Variants in NBPF8 observed in about 807,000 individuals in gnomAD.
The protein encoded by NBPF8 is NBPF family member NBPF8.
upstream of NBPF8, among the ~76,000 whole-genome samples, chr1:120,435,733 G>A (rs1367569232): frequency 4.3e-4 from 66 of 151,890 alleles, no homozygotes; most frequent in Non-Finnish European, 8.0e-4. Flanking sequence ...AGGCGTGGTG[G>A]CGGGCGCCTG....
At chr1:120,460,446 C>A in intron 17 of NBPF8, 127 bp from the exon 16 acceptor site, 4 of 774,058 alleles carry the variant, frequency 5.2e-6, no homozygotes, top group Non-Finnish European at 9.4e-6. Context: ...TGGAATATTT[C>A]TCTCAAAGTC....
chr1:120,462,118 T>C, intron 19 of NBPF8, 28 bp from the exon 18 acceptor site: 1 of 344,132 alleles, frequency 2.9e-6, no homozygotes, highest in Non-Finnish European at 5.1e-6. Flanking sequence ...CAGCTTAATA[T>C]GTCTGTCCAT....
downstream of NBPF8, among the ~76,000 whole-genome samples, chr1:120,469,474 T>C (rs1190050167): frequency 7.0e-6 from 1 of 143,230 alleles, no homozygotes; most frequent in Non-Finnish European, 1.5e-5. Context: ...GGCACCCTGG[T>C]GCTCGGTCAC....
chr1:120,415,083 G>T (rs1553244863), upstream of NBPF8, among the ~76,000 whole-genome samples: 1 of 152,094 alleles, frequency 6.6e-6, no homozygotes, highest in African/African-American at 2.4e-5. Context: ...GCTGGGCGGC[G>T]GTTGAGACAG....
chr1:120,454,253 G>C (rs1661370898), intron 15 of NBPF8, 139 bp downstream of exon 13: 1 of 1,551,122 alleles, frequency 6.4e-7, no homozygotes, highest in Non-Finnish European at 8.8e-7. Context: ...GAGTTTTTTT[G>C]TCCTTCACAG....
At chr1:120,428,794 C>T (rs1660790889) in intron 3 of NBPF8, among the ~76,000 whole-genome samples, 1 of 149,706 alleles carries the variant, frequency 6.7e-6, no homozygotes, top group Admixed American at 6.6e-5. Context: ...AGCCCCAATG[C>T]CATGTAGCAC....
intron 18 of NBPF8, 40 bp downstream of exon 16, chr1:120,460,664 C>T (rs1661558622): frequency 1.1e-6 from 1 of 911,642 alleles, no homozygotes; most frequent in Non-Finnish European, 1.8e-6. Flanking sequence ...TTGATGTTGA[C>T]ACCTGGAGAT....
chr1:120,427,786 A>T (rs1438533752), exon 3 of NBPF8, among the ~76,000 whole-genome samples: 2 of 140,782 alleles, frequency 1.4e-5, no homozygotes, highest in African/African-American at 2.7e-5. Flanking sequence ...CTGGTTGGGA[A>T]TCCAAAGTTA....
chr1:120,424,404 T>G (rs1660652167), intron 1 of NBPF8, among the ~76,000 whole-genome samples: 2 of 152,004 alleles, frequency 1.3e-5, no homozygotes, highest in Middle Eastern at 3.2e-3. Context: ...AGATGATACA[T>G]TTTCACATAA....
At chr1:120,434,290 TA>T (rs1661003181), upstream of NBPF8, among the ~76,000 whole-genome samples, 3 of 1,948 alleles carry the variant, frequency 1.5e-3, no homozygotes, top group Non-Finnish European at 4.0e-3. Flanking sequence ...ATACACGTAT[TA>T]TATATATATA....
upstream of NBPF8, chr1:120,432,350 G>A (rs1423695162): frequency 1.3e-5 from 1 of 78,164 alleles, no homozygotes. Context: ...TTACATTCCA[G>A]CCTTTGTATA....
downstream of NBPF8, among the ~76,000 whole-genome samples, chr1:120,468,962 G>C (rs1180085818): frequency 6.6e-6 from 1 of 152,102 alleles, no homozygotes. Flanking sequence ...TTATGGGTGA[G>C]ATTTTTGAGT....
intron 1 of NBPF8, among the ~76,000 whole-genome samples, chr1:120,424,201 G>A (rs1175516137): frequency 6.6e-6 from 1 of 151,726 alleles, no homozygotes; most frequent in Non-Finnish European, 1.5e-5. Flanking sequence ...TTATATAGTG[G>A]ACTATTGTGT....
intron 1 of NBPF8, 21 bp downstream of exon 4, chr1:120,436,718 G>T: frequency 8.7e-7 from 1 of 1,150,208 alleles, no homozygotes; most frequent in Non-Finnish European, 1.3e-6. Context: ...TAGGCTCACC[G>T]TCATGAAAGT....
upstream of NBPF8, among the ~76,000 whole-genome samples, chr1:120,431,563 A>G (rs1660880640): frequency 6.6e-6 from 1 of 151,720 alleles, no homozygotes; most frequent in South Asian, 2.1e-4. Context: ...AGGGAGATCA[A>G]TCAGTGCAAC....
intron 13 of NBPF8, among the ~76,000 whole-genome samples, chr1:120,452,569 C>A (rs1443514211): frequency 6.6e-6 from 1 of 152,106 alleles, no homozygotes; most frequent in Non-Finnish European, 1.5e-5. Context: ...GAGCAAGAGG[C>A]AGCATCTGTC....
chr1:120,428,681 C>G (rs1330492829), intron 3 of NBPF8, among the ~76,000 whole-genome samples: 1 of 151,994 alleles, frequency 6.6e-6, no homozygotes. Context: ...TGGGGCCATG[C>G]GGTCTGTGGT....
chr1:120,462,253 G>C (rs1377866401), intron 20 of NBPF8, 56 bp downstream of exon 18: 2 of 700,738 alleles, frequency 2.9e-6, no homozygotes, highest in African/African-American at 4.0e-5. Context: ...GAGATGCCAG[G>C]TCCAGGGAAA....
chr1:120,450,021 GT>G (rs2101673201), intron 11 of NBPF8, among the ~76,000 whole-genome samples: 1 of 152,204 alleles, frequency 6.6e-6, no homozygotes, highest in African/African-American at 2.4e-5. Flanking sequence ...CAGGTCAGGA[GT>G]TTGGGACCAG....
Sources: allele counts gnomAD v4.1 joint callset (sites outside exome capture counted in the v4.1 genomes callset), GRCh38; gene constraint gnomAD v4.1.1; transcripts MANE v1.5; gene names NCBI Gene and HGNC (gene_info 2026-07-23, HGNC 2026-07-21).